The following ZNF423 variants were observed in gnomAD, a reference collection of about 807,000 sequenced individuals.
The protein encoded by ZNF423 is Ebf-associated zinc finger protein.
ZNF423 carries 12 observed loss-of-function variants against 95.8 expected under a neutral mutation model. That is an observed-to-expected ratio of 0.13 (90% CI 0.08 to 0.20). The LOEUF (loss-of-function observed/expected upper bound fraction) is 0.20. ZNF423 is among the 10% of genes least tolerant of loss of function. The pLI, the probability that ZNF423 is intolerant of heterozygous loss-of-function variation, is 1.00. For missense variants in ZNF423, 1,316 were observed against 1,737.1 expected (o/e 0.76, Z 4.31); for synonymous variants, 749 against 711.9 (o/e 1.05, Z -0.83).
At chr16:49,828,699 G>A (rs766462103) in intron 1 of ZNF423, among the ~76,000 whole-genome samples, 10 of 152,164 alleles carry the variant, frequency 6.6e-5, no homozygotes, top group African/African-American at 9.7e-5. Context: ...GCCCCTGGGC[G>A]GGCGCCATGC....
chr16:49,684,876 G>C (rs957656911), intron 3 of ZNF423, among the ~76,000 whole-genome samples: 3 of 152,184 alleles, frequency 2.0e-5, no homozygotes, highest in Non-Finnish European at 4.4e-5. Flanking sequence ...GTGTGTGAGG[G>C]CTGGAGCCAG....
chr16:49,788,015 A>T (rs1259167351), intron 2 of ZNF423, among the ~76,000 whole-genome samples: 2 of 152,198 alleles, frequency 1.3e-5, no homozygotes, highest in African/African-American at 4.8e-5. Context: ...GCACAGAAGG[A>T]GACACACGGG....
chr16:49,534,044 A>G lies in ZNF423; in HGVS notation c.3602-8550T>C, dbSNP rs529675296. On this transcript the variant is annotated intron_variant, in intron 5 of 7. Transcript: ENST00000563137. ...ATGGTGGTGGGTGGTACACTGAGGCAGGAAGATGTCTTCAGCCCAGGACTT... is the reference window on the plus strand; with the variant it reads ...ATGGTGGTGGGTGGTACACTGAGGCGGGAAGATGTCTTCAGCCCAGGACTT... 1.6e-4 allele frequency among the ~76,000 whole-genome samples: 25 copies of G among 152,272 alleles called. No homozygotes were observed. In the South Asian group the frequency reaches 4.4e-3, roughly 27 times the overall value.
At chr16:49,541,374 C>T (rs1597075754) in intron 5 of ZNF423, among the ~76,000 whole-genome samples, 1 of 152,132 alleles carries the variant, frequency 6.6e-6, no homozygotes, top group Non-Finnish European at 1.5e-5. Flanking sequence ...ACTTCACCCA[C>T]AATTAAGTGG....
intron 3 of ZNF423, among the ~76,000 whole-genome samples, chr16:49,652,695 G>T (rs1020479467): frequency 1.3e-5 from 2 of 152,228 alleles, no homozygotes. Flanking sequence ...TGCTTTCGGG[G>T]TTGAATCACT....
chr16:49,765,532 G>C (rs1459485757), intron 2 of ZNF423, among the ~76,000 whole-genome samples: 3 of 129,030 alleles, frequency 2.3e-5, no homozygotes, highest in African/African-American at 3.2e-5. Flanking sequence ...GCAACATAGT[G>C]AGACCTCATC....
intron 5 of ZNF423, among the ~76,000 whole-genome samples, chr16:49,532,479 G>A (rs1968884493): frequency 6.6e-6 from 1 of 152,142 alleles, no homozygotes; most frequent in African/African-American, 2.4e-5. Context: ...TGCCCAGAAG[G>A]GACCCATCGT....
intron 5 of ZNF423, among the ~76,000 whole-genome samples, chr16:49,532,766 G>A (rs1371694597): frequency 1.3e-5 from 2 of 152,170 alleles, no homozygotes; most frequent in Admixed American, 1.3e-4. Flanking sequence ...GCCACTTGGG[G>A]CCAGGGCTTG....
intron 4 of ZNF423, among the ~76,000 whole-genome samples, chr16:49,633,774 TCAGA>T (rs1418145168): frequency 1.3e-5 from 2 of 152,126 alleles, no homozygotes; most frequent in Admixed American, 6.5e-5. Flanking sequence ...GAACCCTGGC[TCAGA>T]CAAAGGGTCC....
intron 3 of ZNF423, among the ~76,000 whole-genome samples, chr16:49,692,377 G>A (rs111505346): frequency 7.2e-5 from 11 of 152,202 alleles, no homozygotes; most frequent in Non-Finnish European, 1.2e-4. Context: ...CACACAGCCC[G>A]ATGCAGAGCC....
chr16:49,845,035 C>CAAAAAAAAAAAA (rs71138011), intron 1 of ZNF423, among the ~76,000 whole-genome samples: 11 of 63,512 alleles, frequency 1.7e-4, no homozygotes, highest in South Asian at 5.9e-4. Context: ...AACTCCATCT[C>CAAAAAAAAAAAA]AAAAAAAAAA....
At chr16:49,543,291 G>C (rs1597078441) in intron 5 of ZNF423, among the ~76,000 whole-genome samples, 1 of 152,152 alleles carries the variant, frequency 6.6e-6, no homozygotes, top group East Asian at 1.9e-4. Context: ...GCCTGGGTAA[G>C]CCCAAGCAGC....
chr16:49,737,823 C>T (rs554836348), intron 2 of ZNF423, among the ~76,000 whole-genome samples: 10 of 152,258 alleles, frequency 6.6e-5, no homozygotes, highest in Non-Finnish European at 1.3e-4. Context: ...ATGTCGGCCC[C>T]TGGCCAGCAC....
At chr16:49,558,635 G>A (rs1969915843) in intron 5 of ZNF423, among the ~76,000 whole-genome samples, 1 of 152,062 alleles carries the variant, frequency 6.6e-6, no homozygotes, top group Non-Finnish European at 1.5e-5. Flanking sequence ...ATTCTGCTAA[G>A]GGATCCACAC....
Position 49,635,605 on chromosome 16 carries a change from C to T in ZNF423, c.3516+55G>A, listed in dbSNP as rs1340414970. 3 of 1,504,010 alleles carry T rather than the reference C, an allele frequency of 2.0e-6. No homozygotes were observed. 93.2% of individuals were successfully genotyped at this position (1,504,010 alleles called of 1,614,324 possible). A position where few individuals can be genotyped will look rare whatever the true frequency, so the allele number is the denominator to read the frequency against. On this transcript the variant is annotated intron_variant, in intron 4 of 7. Coordinates refer to ENST00000563137, the MANE Select transcript of ZNF423 (RefSeq NM_001379286.1). The surrounding 1 kb of genome is among the most constrained non-coding windows in gnomAD (Gnocchi z 4.8). The stretch of plus-strand genomic sequence containing the variant: ...TCAGGGTACGTGGCTCCTGTGGGGA[C>T]CAGAGGAGCCCCAAGGAGAGGAGCA...
rs114644197 is a variant in ZNF423, at chr16:49,760,797, G to A, written c.100+28690C>T. ...GAGACTCAGGACAGCACCCCTAGGC[G>A]GTGGTTGGGGTCCCCTCCACCCCAC... On this transcript the variant is annotated intron_variant, in intron 2 of 7. Coordinates refer to ENST00000563137, the MANE Select transcript of ZNF423 (RefSeq NM_001379286.1). Among the ~76,000 whole-genome samples the A allele has an allele frequency of 7.3e-3, 1,115 of 151,878 alleles. 19 individuals carry two copies. Among genetic ancestry groups the A allele is most frequent in the African/African-American group, 0.026 (1,064 of 41,404 alleles).
At chr16:49,669,060 C>T (rs959206389) in intron 3 of ZNF423, among the ~76,000 whole-genome samples, 3 of 152,098 alleles carry the variant, frequency 2.0e-5, no homozygotes, top group Non-Finnish European at 2.9e-5. Flanking sequence ...CCATGCGCGG[C>T]AGCTCATGTC....
intron 5 of ZNF423, among the ~76,000 whole-genome samples, chr16:49,580,956 G>A (rs1970652804): frequency 6.6e-6 from 1 of 152,126 alleles, no homozygotes. Context: ...CACATGCACA[G>A]AAAAAGGGCC....
chr16:49,619,356 C>T (rs1466817339), intron 5 of ZNF423, among the ~76,000 whole-genome samples: 2 of 152,026 alleles, frequency 1.3e-5, no homozygotes, highest in African/African-American at 2.4e-5. Flanking sequence ...GGCCTTCCCC[C>T]AAAACAAACA....
Sources: gnomAD v4.1 joint callset for allele counts (sites outside exome capture counted in the v4.1 genomes callset) on GRCh38, gnomAD v4.1.1 for gene constraint, Gnocchi (gnomAD v3.1) non-coding constraint, MANE v1.5 for transcripts, NCBI Gene and HGNC (gene_info 2026-07-23, HGNC 2026-07-21) for gene names.